CHFR: variants seen among roughly 807,000 people sequenced by gnomAD.
CHFR encodes checkpoint with forkhead and ring finger domains.
A neutral mutation model predicts 87.6 loss-of-function variants in CHFR; 57 were observed. The ratio of observed to expected loss-of-function variants is 0.65; its 90% CI spans 0.53 to 0.81. The LOEUF (loss-of-function observed/expected upper bound fraction) is 0.81. Ranked by LOEUF, CHFR falls within the 30% of genes least tolerant of loss-of-function variation. The pLI, the probability that CHFR is intolerant of heterozygous loss-of-function variation, is 0.00. For synonymous variants in CHFR, 381 were observed against 359.2 expected (o/e 1.06, Z -0.69); for missense variants, 797 against 865.8 (o/e 0.92, Z 1.00).
Position 132,859,219 on chromosome 12 carries a change from G to C in CHFR, c.760C>G (p.Leu254Val). 1 of 1,612,840 alleles carries C rather than the reference G, an allele frequency of 6.2e-7. No homozygotes were observed. Among genetic ancestry groups the C allele is most frequent in the South Asian group, 1.1e-5 (1 of 90,846 alleles). The change falls in exon 8 of 18, where the codon CTT becomes GTT. Residue 254 changes from leucine (L) to valine (V), a missense_variant. Leu to Val is a conservative substitution (Grantham distance 32). Transcript: ENST00000450056. Reference sequence around the variant, plus strand: ...ACCAACAACTGCCCGTTCAGGTCAAGGTCCCCATCTACAGGAGAAAGGGAT... The same window carrying C: ...ACCAACAACTGCCCGTTCAGGTCAACGTCCCCATCTACAGGAGAAAGGGAT... The part of the protein sequence containing the change: ...VKKKMRGDGD[L>V]DLNGQLLVAQ...
intron 7 of CHFR, among the ~76,000 whole-genome samples, chr12:132,860,473 C>T (rs1951187547): frequency 6.6e-6 from 1 of 152,204 alleles, no homozygotes; most frequent in African/African-American, 2.4e-5. Flanking sequence ...GTTGCTGACT[C>T]TTTCCACACC....
chr12:132,834,494 T>G lies in CHFR; in HGVS notation c.*7060A>C, dbSNP rs879529729. 4 of 152,150 alleles carry G rather than the reference T, an allele frequency of 2.6e-5. No individual in the cohort carries two copies. Among genetic ancestry groups the G allele is most frequent in the Non-Finnish European group, 5.9e-5 (4 of 68,064 alleles). 9.4% of individuals were successfully genotyped at this position (152,150 alleles called of 1,614,324 possible). A position where few individuals can be genotyped will look rare whatever the true frequency, so the allele number is the denominator to read the frequency against. On this transcript the variant is annotated 3_prime_UTR_variant, in exon 18 of 18. Transcript: ENST00000450056. ...CACCAACTTTGCTGCTTAAACTAGA[T>G]TTATTCTCTTGCAGTTCTGGAGCTC...
At chr12:132,862,601 T>G (rs1951238993) in intron 6 of CHFR, among the ~76,000 whole-genome samples, 1 of 152,130 alleles carries the variant, frequency 6.6e-6, no homozygotes, top group Non-Finnish European at 1.5e-5. Flanking sequence ...GACCTCATTT[T>G]TTTTTTTGAG....
chr12:132,836,709 C>T lies in CHFR; in HGVS notation c.*4845G>A, dbSNP rs1270588134. On this transcript the variant is annotated 3_prime_UTR_variant, in exon 18 of 18. Transcript: ENST00000450056. The stretch of plus-strand genomic sequence containing the variant: ...AAGACCCCACCATCTAGACTCACCG[C>T]CTCAGAAGGAGACAACCGTGAAAAG... 4 of 455,992 alleles carry T rather than the reference C, an allele frequency of 8.8e-6. No individual in the cohort carries two copies. The highest frequency in any genetic ancestry group is 1.8e-5 in the Non-Finnish European group (4 of 226,816). The allele number at this position is 455,992 out of a possible 1,614,324, so 28.2% of individuals were successfully genotyped here. A position where few individuals can be genotyped will look rare whatever the true frequency, so the allele number is the denominator to read the frequency against.
intron 8 of CHFR, 57 bp downstream of exon 8, chr12:132,859,011 C>T (rs1385493476): frequency 8.4e-6 from 13 of 1,543,948 alleles, no homozygotes; most frequent in African/African-American, 5.4e-5. Flanking sequence ...CTGCCCCACA[C>T]GGGACGAAGA....
Position 132,841,528 on chromosome 12 carries a change from GA to G in CHFR, c.*25del, listed in dbSNP as rs1566171684. 1 of 1,601,054 alleles carries G rather than the reference GA, an allele frequency of 6.2e-7. No homozygotes were observed. Among genetic ancestry groups the G allele is most frequent in the Admixed American group, 1.7e-5 (1 of 60,004 alleles). On this transcript the variant is annotated 3_prime_UTR_variant, in exon 18 of 18. Transcript: ENST00000450056. ...ACACGCTCTCTTCACCTCCAGTGCT[GA>G]AAGCTGCTCAGGGCCTCTGGATGCT...
intron 9 of CHFR, among the ~76,000 whole-genome samples, chr12:132,857,111 C>T (rs1350286107): frequency 3.9e-5 from 5 of 128,300 alleles, no homozygotes; most frequent in East Asian, 2.5e-4. Flanking sequence ...ACAGCCCTCA[C>T]GTGCCCGGGT....
chr12:132,853,308 G>T, intron 11 of CHFR, 123 bp downstream of exon 11: 3 of 1,078,814 alleles, frequency 2.8e-6, no homozygotes, highest in Non-Finnish European at 3.7e-6. Flanking sequence ...TGAGGCCAGG[G>T]CCCAAAGGGG....
At chr12:132,877,804 A>AT (rs529824922) in intron 2 of CHFR, 150 bp from the exon 3 acceptor site, 29,895 of 376,450 alleles carry the variant, frequency 0.079, no homozygotes, top group South Asian at 0.12. Context: ...ACATAAAGAA[A>AT]TTTTTTTTTT....
chr12:132,848,234 A>T, intron 13 of CHFR, 79 bp from the exon 14 acceptor site: 3 of 1,602,112 alleles, frequency 1.9e-6, no homozygotes, highest in Non-Finnish European at 2.6e-6. Context: ...CTGAGGATAA[A>T]CATATTTCTT....
rs1305561792 is a variant in CHFR, at chr12:132,857,397, T to C, written c.1066+8A>G. 1.2e-6 allele frequency: 2 copies of C among 1,613,636 alleles called. No individual in the cohort carries two copies. Among genetic ancestry groups the C allele is most frequent in the Non-Finnish European group, 1.7e-6 (2 of 1,179,610 alleles). ...TGCCCGGGTGCTGGTGTGGATGCCC[T>C]CACTTGCCTGGATGCTGGATGAGGT... is the stretch of plus-strand genomic sequence containing the variant. On this transcript the variant is annotated splice_region_variant and intron_variant, in intron 9 of 17. Coordinates refer to ENST00000450056, the MANE Select transcript of CHFR (RefSeq NM_001161346.2).
intron 8 of CHFR, 33 bp downstream of exon 8, chr12:132,859,035 T>C: frequency 6.3e-7 from 1 of 1,597,744 alleles, no homozygotes; most frequent in Non-Finnish European, 8.5e-7. Flanking sequence ...TGCAGTGCCA[T>C]GTTCCGTGAG....
intron 3 of CHFR, among the ~76,000 whole-genome samples, chr12:132,874,522 C>A (rs1460743065): frequency 6.6e-6 from 1 of 151,646 alleles, no homozygotes; most frequent in Non-Finnish European, 1.5e-5. Context: ...CCAGGACCAG[C>A]ACCCAGCGCG....
chr12:132,848,070 G>C lies in CHFR; in HGVS notation c.1647+15C>G. ...AATGTGGCTCCCGGCTCCCCAGCCC[G>C]CAGCGAGTCGGTACCTTCAGGATGT... On this transcript the variant is annotated intron_variant, in intron 14 of 17. Coordinates refer to ENST00000450056, the MANE Select transcript of CHFR (RefSeq NM_001161346.2). The C allele has an allele frequency of 6.2e-7, 1 of 1,613,898 alleles. No homozygotes were observed. The highest frequency in any genetic ancestry group is 8.5e-7 in the Non-Finnish European group (1 of 1,179,954).
intron 6 of CHFR, among the ~76,000 whole-genome samples, chr12:132,868,390 G>A (rs1203692869): frequency 6.6e-6 from 1 of 152,194 alleles, no homozygotes; most frequent in Non-Finnish European, 1.5e-5. Context: ...CTCAGAGGCT[G>A]AGGCAGGAAA....
At position 132,853,475 on chromosome 12, in the gene CHFR, T is replaced by C. The variant is rs1950993248; in HGVS notation, c.1328A>G (p.Gln443Arg). ...CGTGGAGGGTGCATCCCCCAGGGCC[T>C]GTGGGGCTCCTGGCTCGCCCTCGGG... ...PAPEGEPGAP[Q>R]ALGDAPSTSV... Residue 443 changes from glutamine to arginine, a missense_variant, in exon 11 of 18, where the codon CAG (glutamine) becomes CGG (arginine). By Grantham distance (43) the Gln-to-Arg change is conservative. Around this residue, in one of 2 missense-constraint regions of CHFR, gnomAD observed 597 missense variants for 601.2 expected, o/e 0.99. Transcript: ENST00000450056. The C allele has an allele frequency of 6.5e-7, 1 of 1,545,806 alleles. No individual in the cohort carries two copies. Among genetic ancestry groups the C allele is most frequent in the Non-Finnish European group, 8.7e-7 (1 of 1,153,282 alleles).
intron 2 of CHFR, among the ~76,000 whole-genome samples, chr12:132,883,428 A>C (rs1376044823): frequency 2.8e-5 from 4 of 145,112 alleles, no homozygotes; most frequent in Admixed American, 6.9e-5. Context: ...CTCCGTCTCA[A>C]AAAAAAAAAA....
intron 2 of CHFR, among the ~76,000 whole-genome samples, chr12:132,886,613 A>G (rs1469056572): frequency 6.6e-6 from 1 of 152,186 alleles, no homozygotes; most frequent in Non-Finnish European, 1.5e-5. Flanking sequence ...CACCCGTTGT[A>G]TGACTTTGTT....
At chr12:132,869,554 C>T (rs1951436233) in intron 6 of CHFR, 65 bp downstream of exon 6, 4 of 1,439,178 alleles carry the variant, frequency 2.8e-6, no homozygotes, top group South Asian at 2.5e-5. Context: ...TGTAACAACA[C>T]AGGTAAAGAG....
Sources: allele counts gnomAD v4.1 joint callset (sites outside exome capture counted in the v4.1 genomes callset), GRCh38; gene constraint gnomAD v4.1.1; regional missense constraint gnomAD v4.1.1; transcripts MANE v1.5; gene names NCBI Gene and HGNC (gene_info 2026-07-23, HGNC 2026-07-21).